Variants in LRMDA observed in about 807,000 individuals in gnomAD.
LRMDA encodes the protein leucine rich melanocyte differentiation associated, also known as leucine-rich melanocyte differentiation-associated protein.
A neutral mutation model predicts 29.8 loss-of-function variants in LRMDA; 18 were observed. That is an observed-to-expected ratio of 0.60 (90% CI 0.42 to 0.90). The LOEUF is 0.90. Among genes scored for constraint, LRMDA ranks in the 40% least tolerant of loss-of-function variants. The pLI is 0.00. For synonymous variants in LRMDA, 125 were observed against 109.4 expected, an observed-to-expected ratio of 1.14 and a Z score of -0.89; for missense variants, 273 against 273.9, an observed-to-expected ratio of 1.00 and a Z score of 0.02.
intron 2 of LRMDA, among the ~76,000 whole-genome samples, chr10:75,772,693 A>G (rs1843256575): frequency 6.6e-6 from 1 of 152,200 alleles, no homozygotes; most frequent in African/African-American, 2.4e-5. Flanking sequence ...GTAAGTACCT[A>G]AAGTGCGTCT....
chr10:76,294,130 G>A (rs564849717), intron 5 of LRMDA, among the ~76,000 whole-genome samples: 6 of 152,278 alleles, frequency 3.9e-5, no homozygotes, highest in East Asian at 1.9e-4. Flanking sequence ...AATCTCTTGC[G>A]GAAAATACGT....
chr10:75,873,850 A>G (rs1043404756), intron 2 of LRMDA, among the ~76,000 whole-genome samples: 10 of 152,152 alleles, frequency 6.6e-5, no homozygotes, highest in Admixed American at 1.3e-4. Context: ...GTGACTACCT[A>G]TGGCTTTCCT....
chr10:75,564,326 A>T lies in LRMDA; in HGVS notation c.131+125832A>T, dbSNP rs150021158. Among the ~76,000 whole-genome samples, 522 of 152,136 alleles carry T rather than the reference A, an allele frequency of 3.4e-3. 12 individuals carry two copies. The highest frequency in any genetic ancestry group is 0.031 in the Admixed American group (481 of 15,296). On this transcript the variant is annotated intron_variant, in intron 2 of 6. Coordinates refer to ENST00000611255, the MANE Select transcript of LRMDA (RefSeq NM_001305581.2). ...ATCATCGAGACTCTGTGGGCATAGGACCCTCTGAGCCAGGTGTGGGATATA... is the reference window on the plus strand; with the variant it reads ...ATCATCGAGACTCTGTGGGCATAGGTCCCTCTGAGCCAGGTGTGGGATATA...
chr10:75,735,982 A>G (rs1475937351), intron 2 of LRMDA, among the ~76,000 whole-genome samples: 1 of 152,118 alleles, frequency 6.6e-6, no homozygotes, highest in East Asian at 1.9e-4. Context: ...CAGCTGGGCA[A>G]AAGGGTAAGA....
intron 6 of LRMDA, among the ~76,000 whole-genome samples, chr10:76,348,699 T>G (rs1841138742): frequency 6.6e-6 from 1 of 152,150 alleles, no homozygotes; most frequent in Non-Finnish European, 1.5e-5. Flanking sequence ...TGAACAGCCT[T>G]CAGGAGGCTA....
At chr10:76,262,432 G>C (rs975174356) in intron 5 of LRMDA, among the ~76,000 whole-genome samples, 9 of 152,182 alleles carry the variant, frequency 5.9e-5, no homozygotes. Context: ...GTGATGGAAA[G>C]TATAGTCACT....
intron 2 of LRMDA, among the ~76,000 whole-genome samples, chr10:75,768,627 A>G (rs935625504): frequency 2.6e-5 from 4 of 152,248 alleles, no homozygotes; most frequent in East Asian, 1.9e-4. Flanking sequence ...CTTTTCTCCA[A>G]ATGCGGTCTT....
intron 6 of LRMDA, among the ~76,000 whole-genome samples, chr10:76,552,303 G>T (rs117125348): frequency 1.3e-5 from 2 of 152,176 alleles, no homozygotes; most frequent in African/African-American, 4.8e-5. Flanking sequence ...AAGCCAGTGG[G>T]ATACAGCTTA....
At chr10:75,772,275 CCTTT>C (rs1260767489) in intron 2 of LRMDA, among the ~76,000 whole-genome samples, 10 of 152,038 alleles carry the variant, frequency 6.6e-5, no homozygotes, top group East Asian at 3.9e-4. Context: ...TTTATGAGGG[CCTTT>C]CTTAATCCTT....
At chr10:76,027,664 T>G (rs949567305) in intron 2 of LRMDA, among the ~76,000 whole-genome samples, 1 of 152,212 alleles carries the variant, frequency 6.6e-6, no homozygotes, top group Non-Finnish European at 1.5e-5. Context: ...TGATGATTCT[T>G]AACCATTAAC....
At chr10:75,580,742 C>G (rs547788476) in intron 2 of LRMDA, among the ~76,000 whole-genome samples, 1 of 152,248 alleles carries the variant, frequency 6.6e-6, no homozygotes, top group Admixed American at 6.5e-5. Context: ...TGGAACAGAA[C>G]AGAGGCCTCA....
intron 2 of LRMDA, among the ~76,000 whole-genome samples, chr10:75,974,295 CA>C (rs1847032486): frequency 6.6e-6 from 1 of 152,166 alleles, no homozygotes; most frequent in Admixed American, 6.5e-5. Flanking sequence ...CCAAAGCATT[CA>C]GGGGATGAGC....
At chr10:75,940,739 A>G (rs527460292) in intron 2 of LRMDA, among the ~76,000 whole-genome samples, 4 of 152,106 alleles carry the variant, frequency 2.6e-5, no homozygotes, top group East Asian at 1.9e-4. Flanking sequence ...AAATAAAATA[A>G]TTACAGAGAA....
chr10:75,680,764 C>T (rs996533302), intron 2 of LRMDA, among the ~76,000 whole-genome samples: 5 of 152,076 alleles, frequency 3.3e-5, no homozygotes, highest in Non-Finnish European at 7.4e-5. Context: ...AATCCCAGCA[C>T]TTTGAGAGGC....
chr10:75,832,241 G>A (rs1844358385), intron 2 of LRMDA, among the ~76,000 whole-genome samples: 1 of 152,126 alleles, frequency 6.6e-6, no homozygotes, highest in African/African-American at 2.4e-5. Context: ...AGGCTTTGCT[G>A]CTGAGAAATT....
chr10:75,870,031 T>C (rs1156847562), intron 2 of LRMDA, among the ~76,000 whole-genome samples: 2 of 152,188 alleles, frequency 1.3e-5, no homozygotes, highest in Non-Finnish European at 2.9e-5. Flanking sequence ...CCTGGGGCTG[T>C]GGGTGATAAC....
intron 2 of LRMDA, among the ~76,000 whole-genome samples, chr10:75,868,709 G>A (rs1037114228): frequency 6.6e-5 from 10 of 152,164 alleles, no homozygotes; most frequent in African/African-American, 2.4e-4. Context: ...AGTGTGTCCA[G>A]ATGCTTGGTG....
At chr10:75,635,358 C>T (rs1841378106) in intron 2 of LRMDA, among the ~76,000 whole-genome samples, 2 of 152,052 alleles carry the variant, frequency 1.3e-5, no homozygotes, top group African/African-American at 4.8e-5. Flanking sequence ...TGGCCTTTCG[C>T]ATGGTATGAT....
At chr10:76,184,991 G>C (rs1379339358) in intron 5 of LRMDA, among the ~76,000 whole-genome samples, 1 of 152,152 alleles carries the variant, frequency 6.6e-6, no homozygotes, top group East Asian at 1.9e-4. Flanking sequence ...TATTCTCTTA[G>C]GAGACTGGAG....
Sources: gnomAD v4.1 joint callset for allele counts (sites outside exome capture counted in the v4.1 genomes callset) on GRCh38, gnomAD v4.1.1 for gene constraint, MANE v1.5 for transcripts, NCBI Gene and HGNC (gene_info 2026-07-23, HGNC 2026-07-21) for gene names.